The following CPHXL variants were observed in gnomAD, a reference collection of about 807,000 sequenced individuals.
CPHXL encodes cytoplasmic polyadenylated homeobox-like protein.
intron 1 of CPHXL, among the ~76,000 whole-genome samples, chr16:75,721,358 A>G (rs902584258): frequency 2.6e-5 from 4 of 152,228 alleles, no homozygotes; most frequent in Admixed American, 1.3e-4. Context: ...CAGGAAACAC[A>G]TCTCACGTGC....
chr16:75,723,434 A>G (rs1265009502), intron 1 of CPHXL, among the ~76,000 whole-genome samples: 2 of 152,218 alleles, frequency 1.3e-5, no homozygotes, highest in Non-Finnish European at 2.9e-5. Flanking sequence ...TGCAAAAATC[A>G]CAAGCATTCT....
intron 1 of CPHXL, among the ~76,000 whole-genome samples, chr16:75,724,746 G>A (rs1198461426): frequency 2.6e-5 from 4 of 152,096 alleles, no homozygotes; most frequent in African/African-American, 4.8e-5. Context: ...AACTAGAAAT[G>A]CCATTTGACC....
chr16:75,719,279 C>T lies in CPHXL; in HGVS notation c.26-821G>A, dbSNP rs186483591. On this transcript the variant is annotated intron_variant, in intron 1 of 2. Transcript: ENST00000640559. The stretch of plus-strand genomic sequence containing the variant: ...GTACAGGAGAGTGGGTGCAGGGCAC[C>T]GAGCATGAGCCGAAGCAGGGTGAGG... Among the ~76,000 whole-genome samples, 75 of 152,154 alleles carry T rather than the reference C, an allele frequency of 4.9e-4. No homozygotes were observed. In the East Asian group the frequency reaches 0.012, roughly 24 times the overall value.
intron 1 of CPHXL, among the ~76,000 whole-genome samples, chr16:75,720,652 G>A (rs945635453): frequency 2.0e-5 from 3 of 152,232 alleles, no homozygotes; most frequent in African/African-American, 7.2e-5. Context: ...GTCACAGAGA[G>A]AATGGAACCA....
chr16:75,723,940 A>C (rs1429247933), intron 1 of CPHXL, among the ~76,000 whole-genome samples: 1 of 152,246 alleles, frequency 6.6e-6, no homozygotes, highest in Non-Finnish European at 1.5e-5. Flanking sequence ...AGACCAATGC[A>C]ACAAAAGAGA....
Position 75,718,339 on chromosome 16 carries a change from C to T in CPHXL, c.145G>A (p.Glu49Lys). 2.5e-6 allele frequency: 1 copy of T among 398,780 alleles called. No individual in the cohort carries two copies. 24.7% of individuals were successfully genotyped at this position (398,780 alleles called of 1,614,324 possible). Residue 49 changes from glutamate (E) to lysine (K), a missense_variant, in exon 2 of 3, where the codon GAG (glutamate) becomes AAG (lysine). By Grantham distance (56) the Glu-to-Lys change is moderately conservative. Coordinates refer to ENST00000640559, the MANE Select transcript of CPHXL (RefSeq NM_001355613.1). ...GTTGTGTAATCGGGATAACAGTTCT[C>T]TCCAAATATTTCCTTAAGTTCCTGC... ...LLQELKEIFG[E>K]NCYPDYTTRK... is the part of the protein sequence containing the mutation.
At chr16:75,717,864 G>T (rs763375595) in intron 2 of CPHXL, among the ~76,000 whole-genome samples, 4 of 151,992 alleles carry the variant, frequency 2.6e-5, no homozygotes, top group Non-Finnish European at 5.9e-5. Context: ...CCATTTCTTC[G>T]AATTCTGTAC....
chr16:75,725,057 T>C (rs867928693), intron 1 of CPHXL, among the ~76,000 whole-genome samples: 1 of 149,194 alleles, frequency 6.7e-6, no homozygotes, highest in East Asian at 2.0e-4. Context: ...TTCTCACTCA[T>C]AGGTGGAAAT....
intron 1 of CPHXL, among the ~76,000 whole-genome samples, chr16:75,721,472 A>G (rs1204569811): frequency 6.6e-6 from 1 of 152,236 alleles, no homozygotes; most frequent in African/African-American, 2.4e-5. Flanking sequence ...GATAAAACAG[A>G]CTTTAAACCA....
chr16:75,724,073 G>A (rs868626520), intron 1 of CPHXL, among the ~76,000 whole-genome samples: 10 of 152,216 alleles, frequency 6.6e-5, no homozygotes, highest in Non-Finnish European at 1.0e-4. Context: ...CTAGCCATAA[G>A]TAGAAAGCTG....
chr16:75,725,190 G>C (rs1484833245), intron 1 of CPHXL, among the ~76,000 whole-genome samples: 1 of 152,012 alleles, frequency 6.6e-6, no homozygotes, highest in Non-Finnish European at 1.5e-5. Context: ...ACGAGTTAAT[G>C]GGTGCAGCAC....
chr16:75,721,965 C>G (rs1208686942), intron 1 of CPHXL, among the ~76,000 whole-genome samples: 1 of 152,174 alleles, frequency 6.6e-6, no homozygotes, highest in Non-Finnish European at 1.5e-5. Context: ...CAAAACTGCT[C>G]AATTACATGG....
At position 75,718,378 on chromosome 16, in the gene CPHXL, A is replaced by C. The variant is rs905711701; in HGVS notation, c.106T>G (p.Ser36Ala). The C allele has an allele frequency of 2.5e-6, 1 of 398,774 alleles. No individual in the cohort carries two copies. The highest frequency in any genetic ancestry group is 3.6e-5 in the East Asian group (1 of 28,078). 24.7% of individuals were successfully genotyped at this position (398,774 alleles called of 1,614,324 possible). ...KRKTKHRHKF[S>A]EELLQELKEI... ...TTAAGTTCCTGCAGTAATTCTTCAG[A>C]AAATTTATGTCGGTGTTTTGTTTTT... The change falls in exon 2 of 3, where the codon TCT (serine) becomes GCT (alanine). Residue 36 changes from serine to alanine, a missense_variant. Transcript: ENST00000640559.
chr16:75,720,698 A>G (rs550052965), intron 1 of CPHXL, among the ~76,000 whole-genome samples: 5 of 152,330 alleles, frequency 3.3e-5, no homozygotes, highest in African/African-American at 1.2e-4. Flanking sequence ...TATCCAGGAG[A>G]ACTTCCCCAA....
At chr16:75,716,657 A>G (rs1959397162) in intron 2 of CPHXL, among the ~76,000 whole-genome samples, 1 of 152,024 alleles carries the variant, frequency 6.6e-6, no homozygotes, top group Non-Finnish European at 1.5e-5. Flanking sequence ...GCTTTATTGT[A>G]TGGTCATGAT....
chr16:75,725,491 C>A (rs1230164243), intron 1 of CPHXL, among the ~76,000 whole-genome samples: 1 of 148,776 alleles, frequency 6.7e-6, no homozygotes, highest in Non-Finnish European at 1.5e-5. Flanking sequence ...CTCGCTCTGT[C>A]GCCCAGGCTG....
chr16:75,722,408 A>T (rs1959490964), intron 1 of CPHXL, among the ~76,000 whole-genome samples: 1 of 152,180 alleles, frequency 6.6e-6, no homozygotes, highest in Non-Finnish European at 1.5e-5. Flanking sequence ...ACACAATAAA[A>T]AGTGATAAAG....
At chr16:75,725,241 A>G (rs924121584) in intron 1 of CPHXL, among the ~76,000 whole-genome samples, 5 of 152,042 alleles carry the variant, frequency 3.3e-5, no homozygotes, top group African/African-American at 9.7e-5. Context: ...TAACCTGCAC[A>G]TTGTGCACAT....
intron 1 of CPHXL, among the ~76,000 whole-genome samples, chr16:75,725,642 C>T (rs543156522): frequency 1.8e-3 from 278 of 151,328 alleles, no homozygotes; most frequent in African/African-American, 6.5e-3. Flanking sequence ...TTAGTAGAGA[C>T]GGGGTTTCAC....
Sources: gnomAD v4.1 joint callset for allele counts (sites outside exome capture counted in the v4.1 genomes callset) on GRCh38, gnomAD v4.1.1 for gene constraint, MANE v1.5 for transcripts, NCBI Gene and HGNC (gene_info 2026-07-23, HGNC 2026-07-21) for gene names.